DPP4: variants seen among roughly 807,000 people sequenced by gnomAD.
DPP4 encodes ADCP-2.
Under a neutral mutation model 122.4 loss-of-function variants are expected in DPP4, and 93 were observed. The ratio of observed to expected loss-of-function variants is 0.76; its 90% CI spans 0.64 to 0.90. DPP4 has a LOEUF of 0.90. DPP4 is among the 40% of genes least tolerant of loss of function. The pLI is 0.00. For missense variants in DPP4, 914 were observed against 907.3 expected (o/e 1.01, Z -0.09); for synonymous variants, 321 against 302.9 (o/e 1.06, Z -0.62).
Position 162,074,195 on chromosome 2 carries a change from G to A in DPP4, c.-214C>T. On this transcript the variant is annotated 5_prime_UTR_variant, in exon 1 of 26. Coordinates refer to ENST00000360534, the MANE Select transcript of DPP4 (RefSeq NM_001935.4). ...TGCAGGGCAGGCGGCGCGGGAGCAG[G>A]CGCGCGTGGCGCGGGGCACTGGCAT... The A allele has an allele frequency of 8.1e-7, 1 of 1,232,236 alleles. No individual in the cohort carries two copies. Among genetic ancestry groups the A allele is most frequent in the Non-Finnish European group, 1.0e-6 (1 of 988,488 alleles). The allele number at this position is 1,232,236 out of a possible 1,614,324, so 76.3% of individuals were successfully genotyped here. A position where few individuals can be genotyped will look rare whatever the true frequency, so the allele number is the denominator to read the frequency against.
At position 161,993,254 on chromosome 2, in the gene DPP4, A is replaced by C; in HGVS notation, c.*29T>G. On this transcript the variant is annotated 3_prime_UTR_variant, in exon 26 of 26. Transcript: ENST00000360534. Reference sequence around the variant, plus strand: ...ATGAAAACAAAAATGAGTTTTAATAAGCTTTAAATGGCATGGTATTTTGAG... The same window carrying C: ...ATGAAAACAAAAATGAGTTTTAATACGCTTTAAATGGCATGGTATTTTGAG... The C allele has an allele frequency of 6.5e-7, 1 of 1,541,862 alleles. No individual in the cohort carries two copies. Among genetic ancestry groups the C allele is most frequent in the South Asian group, 1.1e-5 (1 of 89,346 alleles).
intron 10 of DPP4, among the ~76,000 whole-genome samples, chr2:162,030,250 C>G (rs1322636656): frequency 1.3e-5 from 2 of 152,214 alleles, no homozygotes; most frequent in East Asian, 3.8e-4. Flanking sequence ...AACTTTAGCA[C>G]TAAATCAATG....
intron 5 of DPP4, among the ~76,000 whole-genome samples, chr2:162,041,422 C>G (rs78317435): frequency 6.6e-6 from 1 of 151,984 alleles, no homozygotes; most frequent in East Asian, 1.9e-4. Flanking sequence ...GAGGATGAGA[C>G]GGATGAAATA....
intron 10 of DPP4, chr2:162,032,257 T>C (rs1172461695): frequency 6.6e-6 from 1 of 152,220 alleles, no homozygotes; most frequent in Non-Finnish European, 1.5e-5. Context: ...GTAGGCCTCA[T>C]TTTCTTATCT....
chr2:162,046,848 G>C (rs777772316), intron 4 of DPP4, 67 bp downstream of exon 4: 7 of 1,023,052 alleles, frequency 6.8e-6, no homozygotes, highest in Non-Finnish European at 1.1e-5. Context: ...CAGTACTCGT[G>C]ATTCCAAAGG....
At position 162,038,944 on chromosome 2, in the gene DPP4, C is replaced by G; in HGVS notation, c.492+5G>C. On this transcript the variant is annotated splice_donor_5th_base_variant and intron_variant, in intron 7 of 25. Transcript: ENST00000360534. ...TTTTTCTGACAACTGGAGAGACTCA[C>G]TAACCAATTTATGACCCACTGGTGA... 2 of 1,613,218 alleles carry G rather than the reference C, an allele frequency of 1.2e-6. No homozygotes were observed. Among genetic ancestry groups the G allele is most frequent in the Non-Finnish European group, 1.7e-6 (2 of 1,179,308 alleles).
chr2:162,033,891 T>TAC (rs1325882447), intron 9 of DPP4, among the ~76,000 whole-genome samples: 3 of 142,500 alleles, frequency 2.1e-5, no homozygotes, highest in Non-Finnish European at 3.0e-5. Flanking sequence ...TATATATATA[T>TAC]ATACACACTA....
chr2:162,045,421 C>G (rs537207584), intron 5 of DPP4, 111 bp downstream of exon 5: 6 of 755,246 alleles, frequency 7.9e-6, no homozygotes, highest in South Asian at 6.3e-5. Context: ...GTTTTAGTGC[C>G]TATTACATTA....
At position 162,042,985 on chromosome 2, in the gene DPP4, C is replaced by G. The variant is rs572164161; in HGVS notation, c.366+2547G>C. Among the ~76,000 whole-genome samples, 75 of 152,196 alleles carry G rather than the reference C, an allele frequency of 4.9e-4. 2 individuals are homozygous for G. The highest frequency in any genetic ancestry group is 1.8e-3 in the African/African-American group (73 of 41,536). ...CTGGACCTGAGTTAATAGAGAGAAG[C>G]ATATGATGATGGAGAAGCTTCCATG... On this transcript the variant is annotated intron_variant, in intron 5 of 25. Transcript: ENST00000360534.
At chr2:162,053,295 T>A (rs1458653177) in intron 2 of DPP4, among the ~76,000 whole-genome samples, 1 of 152,270 alleles carries the variant, frequency 6.6e-6, no homozygotes, top group Non-Finnish European at 1.5e-5. Flanking sequence ...TTATTGCTGC[T>A]GTCCCTCCCA....
intron 10 of DPP4, among the ~76,000 whole-genome samples, chr2:162,026,486 G>C (rs1420832837): frequency 6.6e-6 from 1 of 152,176 alleles, no homozygotes; most frequent in Non-Finnish European, 1.5e-5. Flanking sequence ...AGTTTCCCCA[G>C]TTGCCCCCTC....
chr2:162,024,131 T>C (rs751112726), intron 11 of DPP4, among the ~76,000 whole-genome samples: 1 of 152,172 alleles, frequency 6.6e-6, no homozygotes, highest in Non-Finnish European at 1.5e-5. Context: ...TAAGGGGGAT[T>C]GGGGAGGTAT....
At chr2:162,028,801 G>A (rs1401466975) in intron 10 of DPP4, among the ~76,000 whole-genome samples, 1 of 152,236 alleles carries the variant, frequency 6.6e-6, no homozygotes, top group Non-Finnish European at 1.5e-5. Flanking sequence ...TATGAGGTGA[G>A]TACTGCAGAT....
chr2:162,021,014 G>C (rs1304809840), intron 12 of DPP4, among the ~76,000 whole-genome samples: 1 of 152,164 alleles, frequency 6.6e-6, no homozygotes, highest in Non-Finnish European at 1.5e-5. Flanking sequence ...CAAGCACCTG[G>C]AAAATAGCAT....
intron 2 of DPP4, among the ~76,000 whole-genome samples, chr2:162,071,268 G>A (rs1269678179): frequency 1.3e-5 from 2 of 152,064 alleles, no homozygotes; most frequent in Non-Finnish European, 2.9e-5. Context: ...TGAAACACAG[G>A]GCATTTGCAT....
At chr2:162,070,097 G>C (rs1232280453) in intron 2 of DPP4, among the ~76,000 whole-genome samples, 1 of 152,050 alleles carries the variant, frequency 6.6e-6, no homozygotes, top group Admixed American at 6.6e-5. Flanking sequence ...TTCCATACAA[G>C]TATTTTTACG....
chr2:162,068,992 A>G lies in DPP4; in HGVS notation c.94+4407T>C, dbSNP rs201789663. ...TCAGCCCCAGTCAGGCTTTCAGATAACATCTTGATTGCAACCTCATGAGAG... is the reference window on the plus strand; with the variant it reads ...TCAGCCCCAGTCAGGCTTTCAGATAGCATCTTGATTGCAACCTCATGAGAG... On this transcript the variant is annotated intron_variant, in intron 2 of 25. Coordinates refer to ENST00000360534, the MANE Select transcript of DPP4 (RefSeq NM_001935.4). Among the ~76,000 whole-genome samples the G allele has an allele frequency of 2.6e-5, 4 of 152,182 alleles. No homozygotes were observed. In the East Asian group the frequency reaches 7.7e-4, roughly 29 times the overall value.
chr2:162,025,844 G>T (rs145264274), intron 10 of DPP4, among the ~76,000 whole-genome samples: 1 of 151,904 alleles, frequency 6.6e-6, no homozygotes, highest in Non-Finnish European at 1.5e-5. Context: ...CCCTCTTCCC[G>T]CCTGGTCTGG....
chr2:161,999,697 T>G (rs1295240067), intron 23 of DPP4, among the ~76,000 whole-genome samples: 1 of 152,168 alleles, frequency 6.6e-6, no homozygotes, highest in Non-Finnish European at 1.5e-5. Flanking sequence ...TATTTTTGAA[T>G]TAAAAGAGAG....
Sources: allele counts gnomAD v4.1 joint callset (sites outside exome capture counted in the v4.1 genomes callset), GRCh38; gene constraint gnomAD v4.1.1; transcripts MANE v1.5; gene names NCBI Gene and HGNC (gene_info 2026-07-23, HGNC 2026-07-21).